PPARGC1A: variants seen among roughly 807,000 people sequenced by gnomAD.
The protein encoded by PPARGC1A is peroxisome proliferator-activated receptor gamma coactivator 1-alpha.
A neutral mutation model predicts 88.7 loss-of-function variants in PPARGC1A; 25 were observed. The ratio of observed to expected loss-of-function variants is 0.28; its 90% confidence interval spans 0.21 to 0.39. PPARGC1A has a LOEUF of 0.39. Ranked by LOEUF, PPARGC1A falls within the 10% of genes least tolerant of loss-of-function variation. The pLI is 1.00. For missense variants in PPARGC1A, 880 were observed against 968.7 expected, an observed-to-expected ratio of 0.91 and a Z score of 1.22; for synonymous variants, 363 against 355.6, an observed-to-expected ratio of 1.02 and a Z score of -0.24.
the PPARGC1A span, among the ~76,000 whole-genome samples, chr4:24,337,693 GAAAA>G: frequency 7.9e-6 from 1 of 127,358 alleles, no homozygotes; most frequent in East Asian, 2.2e-4. Context: ...TTTTACAAAT[GAAAA>G]AAAAAAAAAA....
the PPARGC1A span, among the ~76,000 whole-genome samples, chr4:24,455,017 G>T: frequency 6.6e-6 from 1 of 152,134 alleles, no homozygotes; most frequent in Admixed American, 6.5e-5. Flanking sequence ...AGAGGAAACC[G>T]ATGAAATACA....
At chr4:23,891,097 G>C (rs1030058501), upstream of PPARGC1A, among the ~76,000 whole-genome samples, 3 of 152,036 alleles carry the variant, frequency 2.0e-5, no homozygotes, top group African/African-American at 7.2e-5. Flanking sequence ...TTATTTTTCA[G>C]CTTGTACCTT....
At chr4:24,028,822 G>C in the PPARGC1A span, among the ~76,000 whole-genome samples, 4 of 152,104 alleles carry the variant, frequency 2.6e-5, no homozygotes. Flanking sequence ...GTATGAAATT[G>C]ACATCTGAGA....
At chr4:24,280,506 G>C in the PPARGC1A span, among the ~76,000 whole-genome samples, 1 of 152,092 alleles carries the variant, frequency 6.6e-6, no homozygotes, top group Admixed American at 6.6e-5. Context: ...AAGAAAGGAA[G>C]GAAGGGAGGG....
the PPARGC1A span, among the ~76,000 whole-genome samples, chr4:24,167,162 C>T: frequency 3.9e-5 from 6 of 152,090 alleles, no homozygotes; most frequent in African/African-American, 1.4e-4. Flanking sequence ...AAGTTGATTC[C>T]AGTCCTTCTA....
chr4:24,431,128 AAAAAAAAAAAAAAAG>A, the PPARGC1A span, among the ~76,000 whole-genome samples: 1 of 149,720 alleles, frequency 6.7e-6, no homozygotes, highest in East Asian at 2.0e-4. Flanking sequence ...CCATCTCAAA[AAAAAAAAAAAAAAAG>A]AGAAAAAAAA....
At chr4:23,903,266 C>T (rs1277294201), upstream of PPARGC1A, among the ~76,000 whole-genome samples, 1 of 152,010 alleles carries the variant, frequency 6.6e-6, no homozygotes, top group Admixed American at 6.6e-5. Context: ...ATTAAGAACC[C>T]GGGTTCTTAT....
chr4:23,809,524 T>C (rs902927027), intron 10 of PPARGC1A, among the ~76,000 whole-genome samples: 1 of 152,148 alleles, frequency 6.6e-6, no homozygotes, highest in African/African-American at 2.4e-5. Flanking sequence ...ATAGCCGCTG[T>C]CTAAAAAAGC....
At chr4:24,001,711 G>A in the PPARGC1A span, among the ~76,000 whole-genome samples, 20 of 152,060 alleles carry the variant, frequency 1.3e-4, no homozygotes, top group Admixed American at 2.6e-4. Flanking sequence ...TTGATCACTG[G>A]TAATTACGGT....
At chr4:24,003,311 G>T in the PPARGC1A span, among the ~76,000 whole-genome samples, 4 of 151,982 alleles carry the variant, frequency 2.6e-5, no homozygotes, top group Non-Finnish European at 2.9e-5. Flanking sequence ...AAAATACCAA[G>T]GAAATCAAAG....
the PPARGC1A span, among the ~76,000 whole-genome samples, chr4:23,991,974 CA>C: frequency 6.6e-6 from 1 of 152,222 alleles, no homozygotes; most frequent in Admixed American, 6.5e-5. Flanking sequence ...CCTGCTATCT[CA>C]TTTTAGGCAA....
chr4:24,389,895 G>A, the PPARGC1A span, among the ~76,000 whole-genome samples: 1 of 152,208 alleles, frequency 6.6e-6, no homozygotes, highest in East Asian at 1.9e-4. Context: ...GTACAAATTA[G>A]AGAAAAAGGT....
At chr4:23,867,489 G>C (rs1405042317) in intron 2 of PPARGC1A, among the ~76,000 whole-genome samples, 1 of 152,164 alleles carries the variant, frequency 6.6e-6, no homozygotes, top group African/African-American at 2.4e-5. Context: ...TAAAATCCTG[G>C]ACTGGGTAGA....
chr4:23,948,733 A>T, the PPARGC1A span, among the ~76,000 whole-genome samples: 1 of 152,092 alleles, frequency 6.6e-6, no homozygotes, highest in Admixed American at 6.6e-5. Context: ...TTCATTCTCA[A>T]ATGTCCCATT....
the PPARGC1A span, among the ~76,000 whole-genome samples, chr4:24,467,119 G>C: frequency 6.8e-6 from 1 of 147,354 alleles, no homozygotes; most frequent in African/African-American, 2.5e-5. Flanking sequence ...AGGGAGGGAG[G>C]GATGGAGGAA....
chr4:23,842,929 TA>T (rs1727326073), intron 2 of PPARGC1A, among the ~76,000 whole-genome samples: 1 of 152,142 alleles, frequency 6.6e-6, no homozygotes, highest in African/African-American at 2.4e-5. Flanking sequence ...TCTTAATAGT[TA>T]TTATTAACAC....
At chr4:23,857,461 A>G (rs1730403841) in intron 2 of PPARGC1A, among the ~76,000 whole-genome samples, 1 of 151,262 alleles carries the variant, frequency 6.6e-6, no homozygotes, top group African/African-American at 2.4e-5. Flanking sequence ...AGATAAATGT[A>G]TATTAACTAA....
intron 1 of PPARGC1A, among the ~76,000 whole-genome samples, chr4:23,895,428 A>G (rs1718435536): frequency 6.6e-6 from 1 of 151,104 alleles, no homozygotes; most frequent in South Asian, 2.1e-4. Flanking sequence ...TTGATATTTG[A>G]ATTTTGCTCT....
chr4:24,454,581 T>TG, the PPARGC1A span, among the ~76,000 whole-genome samples: 1 of 151,686 alleles, frequency 6.6e-6, no homozygotes, highest in Non-Finnish European at 1.5e-5. Context: ...ACAAAAAAAA[T>TG]TTTTTAAATA....
Sources: gnomAD v4.1 joint callset for allele counts (sites outside exome capture counted in the v4.1 genomes callset) on GRCh38, gnomAD v4.1.1 for gene constraint, MANE v1.5 for transcripts, NCBI Gene and HGNC (gene_info 2026-07-23, HGNC 2026-07-21) for gene names.